ETFDH: variants seen among roughly 807,000 people sequenced by gnomAD.
ETFDH encodes electron transfer flavoprotein dehydrogenase, also known as electron transfer flavoprotein-ubiquinone oxidoreductase, mitochondrial.
A neutral mutation model predicts 73.2 loss-of-function variants in ETFDH; 61 were observed. The ratio of observed to expected loss-of-function variants is 0.83; its 90% CI spans 0.68 to 1.03. The LOEUF (loss-of-function observed/expected upper bound fraction) is 1.03, where lower values mean the gene tolerates loss of function less well. Ranked by LOEUF, ETFDH falls within the 50% of genes least tolerant of loss-of-function variation. The pLI is 0.00. For missense variants in ETFDH, 685 were observed against 745.0 expected (o/e 0.92, Z 0.94); for synonymous variants, 243 against 253.3 (o/e 0.96, Z 0.39).
chr4:158,708,753 T>C lies in ETFDH; in HGVS notation c.*226T>C, dbSNP rs1774714064. On this transcript the variant is annotated 3_prime_UTR_variant, in exon 13 of 13. Coordinates refer to ENST00000511912, the MANE Select transcript of ETFDH (RefSeq NM_004453.4). ...CAGCATCTTCCTACCTCTTCAGTTC[T>C]TCAGAGATTCAGTACCAAGAGCAAA... 1 of 478,074 alleles carries C rather than the reference T, an allele frequency of 2.1e-6. No individual in the cohort carries two copies. Among genetic ancestry groups the C allele is most frequent in the South Asian group, 2.4e-5 (1 of 42,070 alleles). The allele number at this position is 478,074 out of a possible 1,614,324, so 29.6% of individuals were successfully genotyped here.
chr4:158,701,811 T>C (rs997208196), intron 9 of ETFDH, among the ~76,000 whole-genome samples: 2 of 152,238 alleles, frequency 1.3e-5, no homozygotes, highest in African/African-American at 4.8e-5. Flanking sequence ...TTTCAAACTA[T>C]AAGAGTACAT....
chr4:158,694,015 C>A (rs982451160), intron 6 of ETFDH, among the ~76,000 whole-genome samples: 9 of 152,042 alleles, frequency 5.9e-5, no homozygotes, highest in Non-Finnish European at 2.9e-5. Flanking sequence ...AGAGGACTTT[C>A]CTGATCACTC....
At chr4:158,708,224 G>A (rs1342439792) in intron 12 of ETFDH, 140 bp from the exon 13 acceptor site, 1 of 633,918 alleles carries the variant, frequency 1.6e-6, no homozygotes, top group South Asian at 2.0e-5. Flanking sequence ...AATGCACCAA[G>A]GTCTTCATAA....
rs17843967 is a variant in ETFDH at position 158,708,485 on chromosome 4, G to A, written c.1812G>A (p.Val604=). The A allele has an allele frequency of 1.9e-4, 305 of 1,613,374 alleles. No homozygotes were observed. In the African/African-American group the frequency reaches 3.7e-3, roughly 19 times the overall value. ...IKDPSQNINW[V]VPEGGGGPAY... ...ATCCAAGTCAGAATATTAACTGGGT[G>A]GTACCTGAAGGTGGAGGAGGACCTG... Residue 604 remains valine (V), a synonymous_variant, in exon 13 of 13, where the codon GTG becomes GTA. Coordinates refer to ENST00000511912, the MANE Select transcript of ETFDH (RefSeq NM_004453.4).
In ETFDH at chr4:158,697,776, A is replaced by C. The variant is rs540120778; in HGVS notation, c.972+77A>C. The C allele has an allele frequency of 2.3e-5, 31 of 1,324,312 alleles. No individual in the cohort carries two copies. The South Asian group carries it at 3.4e-4, about 15-fold the overall frequency. 82.0% of individuals were successfully genotyped at this position (1,324,312 alleles called of 1,614,324 possible). ...TCAGTGTTATAAAATAAGGGTTTTG[A>C]ATCTGAAGACTGTAAAATGCTTTTT... is the stretch of plus-strand genomic sequence containing the variant. On this transcript the variant is annotated intron_variant, in intron 8 of 12. Transcript: ENST00000511912.
In ETFDH at chr4:158,692,886, A is replaced by T. The variant is rs1417525573; in HGVS notation, c.684+2461A>T. 2.6e-3 allele frequency among the ~76,000 whole-genome samples: 231 copies of T among 88,142 alleles called. 1 individual carries two copies. Among genetic ancestry groups the T allele is most frequent in the Middle Eastern group, 0.016 (2 of 122 alleles). 57.8% of individuals were successfully genotyped at this position (88,142 alleles called of 152,430 possible). A position where few individuals can be genotyped will look rare whatever the true frequency, so the allele number is the denominator to read the frequency against. Reference sequence around the variant, plus strand: ...AAAAAAAAAAAAGATTAAAAAAAAAAAAACATATATATATATATATATGGT... The same window carrying T: ...AAAAAAAAAAAAGATTAAAAAAAAATAAACATATATATATATATATATGGT... On this transcript the variant is annotated intron_variant, in intron 6 of 12. Coordinates refer to ENST00000511912, the MANE Select transcript of ETFDH (RefSeq NM_004453.4).
chr4:158,676,385 A>G (rs573830806), intron 1 of ETFDH, among the ~76,000 whole-genome samples: 2 of 152,206 alleles, frequency 1.3e-5, no homozygotes, highest in Non-Finnish European at 2.9e-5. Flanking sequence ...CCTAGATTTT[A>G]CAATAGTGAT....
chr4:158,690,114 C>T (rs1190135171), intron 5 of ETFDH, among the ~76,000 whole-genome samples: 1 of 152,068 alleles, frequency 6.6e-6, no homozygotes, highest in African/African-American at 2.4e-5. Context: ...CCTTTTCTTT[C>T]TCATCAAGGT....
At chr4:158,698,187 C>T in intron 8 of ETFDH, among the ~76,000 whole-genome samples, 1 of 152,198 alleles carries the variant, frequency 6.6e-6, no homozygotes, top group East Asian at 1.9e-4. Flanking sequence ...GCCTCCTACA[C>T]ATCTTTGCAG....
chr4:158,680,643 T>C (rs1169628613), intron 2 of ETFDH, 36 bp downstream of exon 2: 1 of 1,553,160 alleles, frequency 6.4e-7, no homozygotes, highest in Non-Finnish European at 8.9e-7. Context: ...CTGAGACTTT[T>C]CTGGATACTT....
rs55861035 is a variant in ETFDH, at chr4:158,709,019, TTGTGTGTGTGTGTGTG to T, written c.*516_*531del. The T allele has an allele frequency of 4.1e-3, 617 of 150,646 alleles. 2 individuals are homozygous for T. The highest frequency in any genetic ancestry group is 6.2e-3 in the South Asian group (31 of 5,026). The allele number at this position is 150,646 out of a possible 1,614,324, so 9.3% of individuals were successfully genotyped here. A position where few individuals can be genotyped will look rare whatever the true frequency, so the allele number is the denominator to read the frequency against. ...GAAGTATGCCCATCCCTGAACAAGT[TTGTGTGTGTGTGTGTG>T]TGTGTGTGTGTGTGTGTGTGTGTAT... On this transcript the variant is annotated 3_prime_UTR_variant, in exon 13 of 13. Transcript: ENST00000511912.
intron 1 of ETFDH, among the ~76,000 whole-genome samples, chr4:158,678,000 C>T (rs1773754051): frequency 6.6e-6 from 1 of 152,132 alleles, no homozygotes; most frequent in Non-Finnish European, 1.5e-5. Context: ...TTTTTTATCA[C>T]CATAATCTTT....
At chr4:158,693,747 A>C (rs1185073887) in intron 6 of ETFDH, among the ~76,000 whole-genome samples, 1 of 152,108 alleles carries the variant, frequency 6.6e-6, no homozygotes, top group East Asian at 1.9e-4. Flanking sequence ...AAACAGACAA[A>C]CCTTTTTTAA....
intron 6 of ETFDH, among the ~76,000 whole-genome samples, chr4:158,694,749 G>A (rs186946026): frequency 5.7e-4 from 87 of 152,144 alleles, no homozygotes; most frequent in African/African-American, 2.0e-3. Flanking sequence ...ATTGCTTCAG[G>A]CTTTTTGGAA....
intron 6 of ETFDH, among the ~76,000 whole-genome samples, chr4:158,695,109 C>T (rs1224841137): frequency 6.6e-6 from 1 of 152,176 alleles, no homozygotes. Context: ...CAAGGGTCAG[C>T]TCTATATTAA....
chr4:158,708,762 T>G lies in ETFDH; in HGVS notation c.*235T>G. 1 of 465,068 alleles carries G rather than the reference T, an allele frequency of 2.2e-6. No homozygotes were observed. Among genetic ancestry groups the G allele is most frequent in the East Asian group, 4.0e-5 (1 of 24,762 alleles). 28.8% of individuals were successfully genotyped at this position (465,068 alleles called of 1,614,324 possible). On this transcript the variant is annotated 3_prime_UTR_variant, in exon 13 of 13. Coordinates refer to ENST00000511912, the MANE Select transcript of ETFDH (RefSeq NM_004453.4). ...CCTACCTCTTCAGTTCTTCAGAGAT[T>G]CAGTACCAAGAGCAAAATTCACTAC... is the stretch of plus-strand genomic sequence containing the variant.
intron 7 of ETFDH, among the ~76,000 whole-genome samples, chr4:158,697,040 T>A (rs1561246368): frequency 1.3e-5 from 2 of 152,136 alleles, no homozygotes; most frequent in Non-Finnish European, 2.9e-5. Flanking sequence ...CATGCTGCAG[T>A]TTGATATAAT....
chr4:158,680,412 C>T lies in ETFDH; in HGVS notation c.35-55C>T. The T allele has an allele frequency of 8.4e-6, 11 of 1,309,304 alleles. No individual in the cohort carries two copies. The South Asian group carries it at 1.3e-4, about 16-fold the overall frequency. The allele number at this position is 1,309,304 out of a possible 1,614,324, so 81.1% of individuals were successfully genotyped here. On this transcript the variant is annotated intron_variant, in intron 1 of 12. Transcript: ENST00000511912. ...AGTCATTCACTTATATTTTTTCAGT[C>T]TACTGAGGAAAACTAATTTTAAGGA...
chr4:158,691,037 A>C (rs1423822001), intron 6 of ETFDH, among the ~76,000 whole-genome samples: 1 of 152,244 alleles, frequency 6.6e-6, no homozygotes, highest in Non-Finnish European at 1.5e-5. Flanking sequence ...TATGTTTAAA[A>C]ATTTTTTAAA....
Sources: allele counts gnomAD v4.1 joint callset (sites outside exome capture counted in the v4.1 genomes callset), GRCh38; gene constraint gnomAD v4.1.1; transcripts MANE v1.5; gene names NCBI Gene and HGNC (gene_info 2026-07-23, HGNC 2026-07-21).